The following TEX35 variants were observed in gnomAD, a reference collection of about 807,000 sequenced individuals.
TEX35 encodes testis expressed 35, also known as testis-expressed protein 35.
TEX35 carries 26 observed loss-of-function variants against 31.9 expected under a neutral mutation model. The ratio of observed to expected loss-of-function variants is 0.81; its 90% confidence interval spans 0.60 to 1.13. TEX35 has a LOEUF of 1.13. Among genes scored for constraint, TEX35 ranks in the 50% most tolerant of loss-of-function variants. The probability of loss-of-function intolerance (pLI) is 0.00; values close to 1 mark genes in which losing one functional copy is unlikely to be tolerated. For missense variants in TEX35, 278 were observed against 273.5 expected (o/e 1.02, Z -0.12); for synonymous variants, 87 against 90.7 (o/e 0.96, Z 0.23).
In TEX35 at chr1:178,514,692, A is replaced by G; in HGVS notation, c.91-8A>G. ...CCCAAAGGTCTGTGTTCCTGTTTCA[A>G]TCCACAGACATTTGATTACAAAGCA... is the stretch of plus-strand genomic sequence containing the variant. On this transcript the variant is annotated splice_polypyrimidine_tract_variant and splice_region_variant and intron_variant, in intron 2 of 8. Transcript: ENST00000319416. 1 of 1,613,634 alleles carries G rather than the reference A, an allele frequency of 6.2e-7. No homozygotes were observed. Among genetic ancestry groups the G allele is most frequent in the Non-Finnish European group, 8.5e-7 (1 of 1,179,686 alleles).
chr1:178,516,599 C>T lies in TEX35; in HGVS notation c.217-16C>T. On this transcript the variant is annotated splice_polypyrimidine_tract_variant and intron_variant, in intron 4 of 8. Coordinates refer to ENST00000319416, the MANE Select transcript of TEX35 (RefSeq NM_032126.5). Reference sequence around the variant, plus strand: ...TGCTCTGTGCTTTGTCAAGCCATGCCTTTCTTCCTTGTTAGATAAAGGATC... The same window carrying T: ...TGCTCTGTGCTTTGTCAAGCCATGCTTTTCTTCCTTGTTAGATAAAGGATC... 1.9e-6 allele frequency: 3 copies of T among 1,611,060 alleles called. No homozygotes were observed. Among genetic ancestry groups the T allele is most frequent in the South Asian group, 2.2e-5 (2 of 90,808 alleles).
chr1:178,514,641 T>C, intron 2 of TEX35, 59 bp from the exon 3 acceptor site: 2 of 1,532,034 alleles, frequency 1.3e-6, no homozygotes, highest in Non-Finnish European at 1.8e-6. Flanking sequence ...CTTCTGCCTC[T>C]GCACTTCCAC....
chr1:178,516,598 C>A lies in TEX35; in HGVS notation c.217-17C>A. The A allele has an allele frequency of 6.2e-7, 1 of 1,609,958 alleles. No homozygotes were observed. Among genetic ancestry groups the A allele is most frequent in the East Asian group, 2.2e-5 (1 of 44,860 alleles). ...ATGCTCTGTGCTTTGTCAAGCCATG[C>A]CTTTCTTCCTTGTTAGATAAAGGAT... On this transcript the variant is annotated splice_polypyrimidine_tract_variant and intron_variant, in intron 4 of 8. Coordinates refer to ENST00000319416, the MANE Select transcript of TEX35 (RefSeq NM_032126.5).
chr1:178,522,726 G>C (rs1650331558), downstream of TEX35: 1 of 1,015,834 alleles, frequency 9.8e-7, no homozygotes, highest in African/African-American at 1.7e-5. Flanking sequence ...GGGTACATGA[G>C]ATGTTTTGAC....
chr1:178,517,829 TAAG>T (rs1650134762), intron 5 of TEX35, among the ~76,000 whole-genome samples: 1 of 152,136 alleles, frequency 6.6e-6, no homozygotes. Context: ...TAAAAACCAA[TAAG>T]AAGAAATGTT....
chr1:178,521,190 G>A, intron 7 of TEX35, 32 bp from the exon 8 acceptor site: 1 of 1,614,172 alleles, frequency 6.2e-7, no homozygotes, highest in Non-Finnish European at 8.5e-7. Flanking sequence ...AGGGGAAATT[G>A]ATCTTTCTTG....
intron 1 of TEX35, among the ~76,000 whole-genome samples, chr1:178,513,770 C>A (rs921247137): frequency 6.6e-6 from 1 of 152,240 alleles, no homozygotes; most frequent in African/African-American, 2.4e-5. Flanking sequence ...TCCACGCTGG[C>A]GCCTCCAGCA....
Position 178,520,405 on chromosome 1 carries a change from A to G in TEX35, c.310A>G (p.Ile104Val), listed in dbSNP as rs1295257590. 4 of 1,614,180 alleles carry G rather than the reference A, an allele frequency of 2.5e-6. No individual in the cohort carries two copies. Among genetic ancestry groups the G allele is most frequent in the Non-Finnish European group, 3.4e-6 (4 of 1,180,032 alleles). Reference protein sequence around the residue: ...MQKDMDEKMDILINTQKNYKL... With the variant: ...MQKDMDEKMDVLINTQKNYKL... ...GAAAGATATGGATGAGAAGATGGAC[A>G]TTTTAATAAATACACAGAAGAACTA... Residue 104 changes from isoleucine (I) to valine (V), a missense_variant, in exon 6 of 9, where the codon ATT becomes GTT. By Grantham distance (29) the Ile-to-Val change is conservative (BLOSUM62 3). Coordinates refer to ENST00000319416, the MANE Select transcript of TEX35 (RefSeq NM_032126.5).
intron 2 of TEX35, chr1:178,514,317 C>G: frequency 7.3e-7 from 1 of 1,373,468 alleles, no homozygotes; most frequent in Non-Finnish European, 9.7e-7. Flanking sequence ...GGAGACATGT[C>G]TGAGTGGCTG....
intron 4 of TEX35, among the ~76,000 whole-genome samples, chr1:178,516,393 A>G (rs1328005263): frequency 2.0e-5 from 3 of 152,260 alleles, no homozygotes; most frequent in African/African-American, 7.2e-5. Flanking sequence ...TGCAGTAGCC[A>G]GATCTAAGCC....
At chr1:178,523,095 T>C (rs1016228632), downstream of TEX35, among the ~76,000 whole-genome samples, 17 of 152,218 alleles carry the variant, frequency 1.1e-4, no homozygotes, top group Non-Finnish European at 2.4e-4. Context: ...ACATAATGAT[T>C]TCCAGTTCCA....
At chr1:178,515,981 A>G (rs556581442) in intron 4 of TEX35, 66 bp downstream of exon 4, 1 of 1,248,028 alleles carries the variant, frequency 8.0e-7, no homozygotes, top group East Asian at 2.3e-5. Context: ...GCAATCCTTA[A>G]GTTTGAATAG....
intron 5 of TEX35, among the ~76,000 whole-genome samples, chr1:178,517,785 A>G (rs1279516909): frequency 1.3e-5 from 2 of 152,246 alleles, no homozygotes; most frequent in East Asian, 3.8e-4. Context: ...TTAACACTGT[A>G]AAGCTAAATA....
chr1:178,517,461 C>T (rs566395913), intron 5 of TEX35, among the ~76,000 whole-genome samples: 2 of 152,276 alleles, frequency 1.3e-5, no homozygotes, highest in African/African-American at 4.8e-5. Context: ...TGGATGAGAA[C>T]CAGGTCCTAA....
chr1:178,514,536 G>A (rs1042465127), intron 2 of TEX35, among the ~76,000 whole-genome samples, 164 bp from the exon 3 acceptor site: 1 of 152,176 alleles, frequency 6.6e-6, no homozygotes, highest in African/African-American at 2.4e-5. Flanking sequence ...TGAGCTGAAA[G>A]AGGGAGGAGG....
chr1:178,513,243 T>A lies in TEX35; in HGVS notation c.39+16T>A, dbSNP rs1411684585. The A allele has an allele frequency of 6.2e-7, 1 of 1,614,192 alleles. No homozygotes were observed. The highest frequency in any genetic ancestry group is 1.7e-5 in the Admixed American group (1 of 60,024). On this transcript the variant is annotated intron_variant, in intron 1 of 8. Transcript: ENST00000319416. ...AACACATCTGGTAAAAGAGAGACAT[T>A]GCTGGACAGTGTGGGTCCTCTCTGA...
In TEX35 at chr1:178,515,827, T is replaced by G. The variant is rs1650054019; in HGVS notation, c.160-32T>G. ...TTCCCCTCCATCCTAGATATTTCTT[T>G]CCTCCTTCTCTTCTCCATTTTATTT... On this transcript the variant is annotated intron_variant, in intron 3 of 8. Transcript: ENST00000319416. The G allele has an allele frequency of 1.9e-6, 3 of 1,576,902 alleles. No individual in the cohort carries two copies. In the East Asian group the frequency reaches 6.7e-5, roughly 35 times the overall value.
chr1:178,521,459 A>T (rs1441343549), intron 8 of TEX35, 195 bp downstream of exon 8: 2 of 1,013,016 alleles, frequency 2.0e-6, no homozygotes, highest in African/African-American at 1.6e-5. Context: ...TGGGTCACCC[A>T]GCCTAGAGGC....
intron 8 of TEX35, 84 bp downstream of exon 8, chr1:178,521,348 A>G (rs1283870126): frequency 1.4e-6 from 2 of 1,467,250 alleles, no homozygotes; most frequent in African/African-American, 2.8e-5. Context: ...CCGCATTCAC[A>G]TCACACCCCT....
Sources: allele counts gnomAD v4.1 joint callset (sites outside exome capture counted in the v4.1 genomes callset), GRCh38; gene constraint gnomAD v4.1.1; transcripts MANE v1.5; gene names NCBI Gene and HGNC (gene_info 2026-07-23, HGNC 2026-07-21).